The following METTL24 variants were observed in gnomAD, a reference collection of about 807,000 sequenced individuals.
METTL24 encodes the protein methyltransferase like 24.
Under a neutral mutation model 32.7 loss-of-function variants are expected in METTL24, and 29 were observed. The ratio of observed to expected loss-of-function variants is 0.89; its 90% CI spans 0.66 to 1.21. The LOEUF (loss-of-function observed/expected upper bound fraction) is 1.21, where lower values mean the gene tolerates loss of function less well. Among genes scored for constraint, METTL24 ranks in the 50% most tolerant of loss-of-function variants. METTL24 has a pLI of 0.00. For missense variants in METTL24, 439 were observed against 468.1 expected, an observed-to-expected ratio of 0.94 and a Z score of 0.57; for synonymous variants, 163 against 179.5, an observed-to-expected ratio of 0.91 and a Z score of 0.73.
chr6:110,309,975 G>T (rs758149813), intron 3 of METTL24, among the ~76,000 whole-genome samples: 1 of 152,144 alleles, frequency 6.6e-6, no homozygotes, highest in Non-Finnish European at 1.5e-5. Context: ...ATTATCTATG[G>T]TTTTAAATTT....
chr6:110,293,870 C>G (rs1052618099), intron 4 of METTL24, among the ~76,000 whole-genome samples: 1 of 151,380 alleles, frequency 6.6e-6, no homozygotes, highest in Non-Finnish European at 1.5e-5. Flanking sequence ...TCAAAATGTG[C>G]AGTTTTTTTT....
intron 3 of METTL24, among the ~76,000 whole-genome samples, chr6:110,308,855 CA>C (rs1299603610): frequency 6.6e-6 from 1 of 152,130 alleles, no homozygotes; most frequent in Non-Finnish European, 1.5e-5. Flanking sequence ...CACAAAACGC[CA>C]CATATTATAT....
rs1771472093 is a variant in METTL24 at position 110,298,986 on chromosome 6, G to A, written c.722C>T (p.Ala241Val). 6.2e-7 allele frequency: 1 copy of A among 1,614,162 alleles called. No homozygotes were observed. Among genetic ancestry groups the A allele is most frequent in the East Asian group, 2.2e-5 (1 of 44,880 alleles). ...TCTGGTGTTGCTATGTGGTTTTTGGGCAGCAACAGCTGGATGGGGATCCCG... is the reference window on the plus strand; with the variant it reads ...TCTGGTGTTGCTATGTGGTTTTTGGACAGCAACAGCTGGATGGGGATCCCG... ...DWRDPHPAVA[A>V]QKPHSNTRKL... The change falls in exon 4 of 5, where the codon GCC (alanine) becomes GTC (valine). Residue 241 changes from alanine (A) to valine (V), a missense_variant. Transcript: ENST00000338882.
At position 110,358,174 on chromosome 6, in the gene METTL24, C is replaced by G; in HGVS notation, c.99G>C (p.Leu33=). The G allele has an allele frequency of 7.8e-7, 1 of 1,288,522 alleles. No individual in the cohort carries two copies. The highest frequency in any genetic ancestry group is 9.8e-7 in the Non-Finnish European group (1 of 1,019,246). 79.8% of individuals were successfully genotyped at this position (1,288,522 alleles called of 1,614,324 possible). A position where few individuals can be genotyped will look rare whatever the true frequency, so the allele number is the denominator to read the frequency against. ...TGGGGGACCCGGGCCCGGCGCGCCG[C>G]AGCTCTGCGCAGAGCCGCAGGCCGA... ...LLFGLRLCAE[L]RRAGPGSPTR... The change falls in exon 1 of 5, where the codon CTG becomes CTC. Residue 33 remains leucine, a synonymous_variant. Coordinates refer to ENST00000338882, the MANE Select transcript of METTL24 (RefSeq NM_001123364.3).
chr6:110,334,597 G>C (rs1371848844), intron 1 of METTL24, among the ~76,000 whole-genome samples: 4 of 152,198 alleles, frequency 2.6e-5, no homozygotes, highest in African/African-American at 4.8e-5. Flanking sequence ...AGGCCCAGGG[G>C]TTGGGGGATG....
chr6:110,332,026 G>A (rs149025437), intron 1 of METTL24, among the ~76,000 whole-genome samples: 1,583 of 152,290 alleles, frequency 0.01, 21 homozygotes, highest in Non-Finnish European at 0.016. Flanking sequence ...CAGCAGGCAT[G>A]CTGAAATTCA....
chr6:110,333,144 A>T (rs1772138495), intron 1 of METTL24, among the ~76,000 whole-genome samples: 1 of 152,156 alleles, frequency 6.6e-6, no homozygotes, highest in African/African-American at 2.4e-5. Context: ...CCAATCTGCT[A>T]TGTTCATCGA....
chr6:110,251,072 C>T (rs1369465081), intron 4 of METTL24, among the ~76,000 whole-genome samples: 4 of 152,196 alleles, frequency 2.6e-5, no homozygotes, highest in Non-Finnish European at 4.4e-5. Flanking sequence ...GAGTCACAAA[C>T]GTCACTTCCA....
At chr6:110,300,475 T>C (rs540952570) in intron 3 of METTL24, among the ~76,000 whole-genome samples, 18 of 146,192 alleles carry the variant, frequency 1.2e-4, no homozygotes, top group Middle Eastern at 3.6e-3. Flanking sequence ...GGCCGGAGCA[T>C]AGTGGCGTGA....
intron 1 of METTL24, among the ~76,000 whole-genome samples, chr6:110,356,645 C>T (rs569500123): frequency 8.8e-4 from 134 of 152,184 alleles, no homozygotes; most frequent in African/African-American, 3.2e-3. Flanking sequence ...TTTTGTGCCT[C>T]CAGCACCAGA....
chr6:110,324,556 A>C (rs576684590), intron 1 of METTL24, among the ~76,000 whole-genome samples: 1 of 152,308 alleles, frequency 6.6e-6, no homozygotes, highest in South Asian at 2.1e-4. Flanking sequence ...GTCAGTCAAA[A>C]TTCTTAAAAA....
chr6:110,294,995 TTCTTTTTTTCTTTC>T (rs1338516027), intron 4 of METTL24, among the ~76,000 whole-genome samples: 1 of 150,134 alleles, frequency 6.7e-6, no homozygotes, highest in Non-Finnish European at 1.5e-5. Flanking sequence ...TTAATTGCTT[TTCTTTTTTTCTTTC>T]TTTCTTTTTT....
intron 1 of METTL24, among the ~76,000 whole-genome samples, chr6:110,343,012 A>G (rs1330113031): frequency 6.6e-6 from 1 of 152,200 alleles, no homozygotes; most frequent in African/African-American, 2.4e-5. Flanking sequence ...CCCTATGAAT[A>G]ATCATGGACA....
intron 1 of METTL24, among the ~76,000 whole-genome samples, chr6:110,355,624 T>G (rs1406114703): frequency 6.6e-6 from 1 of 152,218 alleles, no homozygotes; most frequent in Non-Finnish European, 1.5e-5. Context: ...ACCTTCAGCC[T>G]GGACATCTCC....
chr6:110,293,529 CAAT>C (rs1331633964), intron 4 of METTL24, among the ~76,000 whole-genome samples: 2 of 151,820 alleles, frequency 1.3e-5, no homozygotes, highest in African/African-American at 2.4e-5. Context: ...ATATGTCCTT[CAAT>C]AATAATAATA....
intron 4 of METTL24, among the ~76,000 whole-genome samples, chr6:110,281,317 G>A (rs116264764): frequency 9.2e-4 from 140 of 152,186 alleles, no homozygotes; most frequent in African/African-American, 3.3e-3. Flanking sequence ...AAGAGGTTGG[G>A]AAATTGAATT....
intron 3 of METTL24, among the ~76,000 whole-genome samples, chr6:110,303,514 C>T (rs1157544486): frequency 6.6e-6 from 1 of 152,168 alleles, no homozygotes; most frequent in Non-Finnish European, 1.5e-5. Context: ...CTTAAGTAGG[C>T]GGTTTTCCCC....
intron 3 of METTL24, among the ~76,000 whole-genome samples, chr6:110,303,643 G>T (rs1438517954): frequency 6.6e-6 from 1 of 152,206 alleles, no homozygotes; most frequent in Non-Finnish European, 1.5e-5. Flanking sequence ...GGGCATCCCT[G>T]AAAGAAATGC....
intron 3 of METTL24, among the ~76,000 whole-genome samples, chr6:110,307,895 A>G (rs1044107890): frequency 2.6e-5 from 4 of 152,196 alleles, no homozygotes; most frequent in African/African-American, 9.6e-5. Context: ...CATCCTGACA[A>G]TATTGTTCTG....
Sources: gnomAD v4.1 joint callset for allele counts (sites outside exome capture counted in the v4.1 genomes callset) on GRCh38, gnomAD v4.1.1 for gene constraint, MANE v1.5 for transcripts, NCBI Gene and HGNC (gene_info 2026-07-23, HGNC 2026-07-21) for gene names.